Variants in CLSTN2 observed in about 807,000 individuals in gnomAD.
CLSTN2 encodes the protein calsyntenin-2.
A neutral mutation model predicts 101.2 loss-of-function variants in CLSTN2; 48 were observed. That is an observed-to-expected ratio of 0.47 (90% CI 0.38 to 0.60). The LOEUF (loss-of-function observed/expected upper bound fraction) is 0.60. Ranked by LOEUF, CLSTN2 falls within the 20% of genes least tolerant of loss-of-function variation. The pLI is 0.00. For missense variants in CLSTN2, 1,160 were observed against 1,238.2 expected, an observed-to-expected ratio of 0.94 and a Z score of 0.95; for synonymous variants, 481 against 463.6, an observed-to-expected ratio of 1.04 and a Z score of -0.48.
At chr3:139,997,866 G>A (rs9833658) in intron 1 of CLSTN2, among the ~76,000 whole-genome samples, 77,059 of 151,562 alleles carry the variant, frequency 0.51, 21,751 homozygotes, top group Non-Finnish European at 0.62. Context: ...GAAAACATCA[G>A]CGTATTTCTA....
rs1985746415 is a variant in CLSTN2, at chr3:140,576,844, GTTTA to G, written c.*10595_*10598del. On this transcript the variant is annotated 3_prime_UTR_variant, in exon 17 of 17. Transcript: ENST00000458420. Reference sequence around the variant, plus strand: ...TGAATCTTTTTAGTCTAGAAAATGTGTTTATTTGATAAATATACTATTGTGTATG... The same window carrying G: ...TGAATCTTTTTAGTCTAGAAAATGTGTTTGATAAATATACTATTGTGTATG... 1 of 152,170 alleles carries G rather than the reference GTTTA, an allele frequency of 6.6e-6. No individual in the cohort carries two copies. Among genetic ancestry groups the G allele is most frequent in the Non-Finnish European group, 1.5e-5 (1 of 68,024 alleles). The allele number at this position is 152,170 out of a possible 1,614,324, so 9.4% of individuals were successfully genotyped here. A position where few individuals can be genotyped will look rare whatever the true frequency, so the allele number is the denominator to read the frequency against.
chr3:140,459,666 G>T lies in CLSTN2; in HGVS notation c.1119G>T (p.Lys373Asn), dbSNP rs141967300. The T allele has an allele frequency of 3.7e-6, 6 of 1,614,020 alleles. No homozygotes were observed. Among genetic ancestry groups the T allele is most frequent in the Non-Finnish European group, 4.2e-6 (5 of 1,180,022 alleles). The change falls in exon 7 of 17, where the codon AAG (lysine) becomes AAT (asparagine). Residue 373 changes from lysine to asparagine, a missense_variant. Physicochemically the swap from Lys to Asn is moderately conservative, Grantham distance 94. Transcript: ENST00000458420. Reference protein sequence around the residue: ...GAKVPDGIVPKNLTDQFTITM... With the variant: ...GAKVPDGIVPNNLTDQFTITM... ...AAGTCCCCGATGGGATTGTGCCCAAGAACCTGACCGATCAGTTCACCATCA... is the reference window on the plus strand; with the variant it reads ...AAGTCCCCGATGGGATTGTGCCCAATAACCTGACCGATCAGTTCACCATCA...
At chr3:140,203,895 G>A (rs1055924823) in intron 2 of CLSTN2, among the ~76,000 whole-genome samples, 1 of 152,212 alleles carries the variant, frequency 6.6e-6, no homozygotes, top group Non-Finnish European at 1.5e-5. Context: ...ATTGGCAGAT[G>A]CCAGAGGAGG....
In CLSTN2 at chr3:139,999,946, C is replaced by T. The variant is rs530575483; in HGVS notation, c.109+64463C>T. Among the ~76,000 whole-genome samples the T allele has an allele frequency of 2.7e-5, 3 of 111,716 alleles. No homozygotes were observed. In the East Asian group the frequency reaches 1.0e-3, roughly 39 times the overall value. The allele number at this position is 111,716 out of a possible 152,430, so 73.3% of individuals were successfully genotyped here. ...TTCTAACCTGGGCAATGGCGTGAAA[C>T]CTTGTCTCAAAAAAAAAAAAAAATT... On this transcript the variant is annotated intron_variant, in intron 1 of 16. Coordinates refer to ENST00000458420, the MANE Select transcript of CLSTN2 (RefSeq NM_022131.3).
chr3:140,102,236 A>T (rs1038834500), intron 1 of CLSTN2, among the ~76,000 whole-genome samples: 7 of 152,180 alleles, frequency 4.6e-5, no homozygotes, highest in Admixed American at 2.0e-4. Context: ...TGTGTTAGGG[A>T]CATGTTCTCG....
intron 2 of CLSTN2, among the ~76,000 whole-genome samples, chr3:140,179,644 A>AC (rs2010378268): frequency 2.0e-5 from 3 of 149,662 alleles, no homozygotes; most frequent in Non-Finnish European, 4.5e-5. Context: ...AAAAAAAAAA[A>AC]AAAAAAAACC....
intron 2 of CLSTN2, among the ~76,000 whole-genome samples, chr3:140,314,576 CT>C (rs113358103): frequency 0.023 from 3,442 of 150,184 alleles, 86 homozygotes; most frequent in South Asian, 0.1. Flanking sequence ...TCAGCCAGTG[CT>C]TTTTTTTTTC....
In CLSTN2 at chr3:139,963,506, G is replaced by A. The variant is rs886412490; in HGVS notation, c.109+28023G>A. On this transcript the variant is annotated intron_variant, in intron 1 of 16. Coordinates refer to ENST00000458420, the MANE Select transcript of CLSTN2 (RefSeq NM_022131.3). ...TAGCTCACACATGACCCACCTTGGA[G>A]GGCCTGCATTTCAGCATCTCTGGGG... Among the ~76,000 whole-genome samples the A allele has an allele frequency of 2.6e-5, 4 of 152,270 alleles. No individual in the cohort carries two copies. In the East Asian group the frequency reaches 5.8e-4, roughly 22 times the overall value.
chr3:140,433,704 T>C (rs1043128939), intron 5 of CLSTN2, among the ~76,000 whole-genome samples: 2 of 152,196 alleles, frequency 1.3e-5, no homozygotes, highest in Non-Finnish European at 2.9e-5. Flanking sequence ...TAGCAGTACC[T>C]ATCGCAGAGG....
intron 1 of CLSTN2, among the ~76,000 whole-genome samples, chr3:139,983,916 A>G (rs1006403995): frequency 2.6e-5 from 4 of 152,200 alleles, no homozygotes; most frequent in Admixed American, 6.5e-5. Flanking sequence ...ATAAATATAT[A>G]AGGCTATATT....
At chr3:140,105,827 G>A (rs1404791873) in intron 1 of CLSTN2, among the ~76,000 whole-genome samples, 1 of 152,186 alleles carries the variant, frequency 6.6e-6, no homozygotes, top group Admixed American at 6.5e-5. Flanking sequence ...GCTCAGAGAG[G>A]GCTGCTGTGG....
At chr3:140,078,207 G>A (rs1054896986) in intron 1 of CLSTN2, among the ~76,000 whole-genome samples, 3 of 152,154 alleles carry the variant, frequency 2.0e-5, no homozygotes, top group Non-Finnish European at 4.4e-5. Flanking sequence ...CCTGTGATCA[G>A]CTCTAATCCT....
intron 2 of CLSTN2, among the ~76,000 whole-genome samples, chr3:140,224,317 T>A (rs2086300684): frequency 1.3e-5 from 2 of 152,166 alleles, no homozygotes; most frequent in Non-Finnish European, 2.9e-5. Flanking sequence ...ATTTTGAAAG[T>A]CAAACAAGAT....
intron 5 of CLSTN2, among the ~76,000 whole-genome samples, chr3:140,424,788 G>A (rs1301470818): frequency 6.6e-6 from 1 of 152,130 alleles, no homozygotes; most frequent in Non-Finnish European, 1.5e-5. Flanking sequence ...ACATTCAGGG[G>A]ACCAGTGAAC....
intron 1 of CLSTN2, among the ~76,000 whole-genome samples, chr3:140,093,564 A>C (rs905682053): frequency 5.3e-5 from 8 of 152,156 alleles, no homozygotes; most frequent in Admixed American, 1.3e-4. Flanking sequence ...GAGGGCTAGC[A>C]GAGGGTGGGG....
At chr3:140,232,520 G>A (rs1012585130) in intron 2 of CLSTN2, among the ~76,000 whole-genome samples, 3 of 151,862 alleles carry the variant, frequency 2.0e-5, no homozygotes, top group African/African-American at 7.3e-5. Flanking sequence ...GAGATCCCAC[G>A]ACTTTGATCA....
chr3:140,310,043 C>A (rs572701102), intron 2 of CLSTN2, among the ~76,000 whole-genome samples: 6 of 152,054 alleles, frequency 3.9e-5, no homozygotes, highest in Non-Finnish European at 7.4e-5. Flanking sequence ...GGGGTTCTAG[C>A]CTTCTCTGGT....
intron 4 of CLSTN2, among the ~76,000 whole-genome samples, chr3:140,417,386 T>G (rs929886604): frequency 1.3e-5 from 2 of 152,128 alleles, no homozygotes; most frequent in Admixed American, 6.6e-5. Flanking sequence ...CCAGAATCAA[T>G]TTTTAGAGGA....
chr3:140,520,531 C>T (rs1006078342), intron 8 of CLSTN2, among the ~76,000 whole-genome samples: 2 of 152,130 alleles, frequency 1.3e-5, no homozygotes, highest in East Asian at 1.9e-4. Context: ...GGGGAAACAG[C>T]CCCCTGATCC....
Sources: gnomAD v4.1 joint callset for allele counts (sites outside exome capture counted in the v4.1 genomes callset) on GRCh38, gnomAD v4.1.1 for gene constraint, MANE v1.5 for transcripts, NCBI Gene and HGNC (gene_info 2026-07-23, HGNC 2026-07-21) for gene names.